SRR: variants seen among roughly 807,000 people sequenced by gnomAD.
SRR encodes serine racemase.
SRR carries 19 observed loss-of-function variants against 32.7 expected under a neutral mutation model. The ratio of observed to expected loss-of-function variants is 0.58; its 90% CI spans 0.40 to 0.85. The LOEUF (loss-of-function observed/expected upper bound fraction) is 0.85. SRR is among the 40% of genes least tolerant of loss of function. The pLI, the probability that SRR is intolerant of heterozygous loss-of-function variation, is 0.00. For synonymous variants in SRR, 142 were observed against 140.9 expected (o/e 1.01, Z -0.06); for missense variants, 373 against 404.7 (o/e 0.92, Z 0.67).
At chr17:2,306,546 G>T (rs1440240654) in intron 1 of SRR, among the ~76,000 whole-genome samples, 1 of 151,790 alleles carries the variant, frequency 6.6e-6, no homozygotes, top group African/African-American at 2.4e-5. Context: ...GCGAAACCCC[G>T]TCTCTACTAA....
intron 4 of SRR, 25 bp downstream of exon 4, chr17:2,318,954 A>G (rs1182038494): frequency 1.3e-6 from 2 of 1,501,906 alleles, no homozygotes; most frequent in Admixed American, 1.7e-5. Context: ...GCTTGGTACC[A>G]CCTTAACAGC....
At chr17:2,303,754 G>A (rs192220141), upstream of SRR, 11 of 1,474,236 alleles carry the variant, frequency 7.5e-6, no homozygotes, top group African/African-American at 4.4e-5. Flanking sequence ...TAGCGGCTCC[G>A]CCACCGCCGC....
chr17:2,317,570 G>A (rs981955129), intron 2 of SRR, among the ~76,000 whole-genome samples: 10 of 151,868 alleles, frequency 6.6e-5, no homozygotes, highest in African/African-American at 2.4e-4. Flanking sequence ...TATAATCCCA[G>A]CTACTTGGGA....
chr17:2,322,333 C>T (rs917877069), intron 6 of SRR, among the ~76,000 whole-genome samples: 1 of 152,178 alleles, frequency 6.6e-6, no homozygotes, highest in South Asian at 2.1e-4. Context: ...ACTATCCATA[C>T]CAAGGGGCTA....
At chr17:2,306,582 T>A (rs547699893) in intron 1 of SRR, among the ~76,000 whole-genome samples, 5 of 151,934 alleles carry the variant, frequency 3.3e-5, no homozygotes, top group Non-Finnish European at 5.9e-5. Context: ...CCGGGCGTGG[T>A]GGTGGGTGCC....
chr17:2,304,660 C>G (rs1390772188), intron 1 of SRR, among the ~76,000 whole-genome samples: 1 of 151,696 alleles, frequency 6.6e-6, no homozygotes, highest in Non-Finnish European at 1.5e-5. Context: ...AACGCTGAGA[C>G]GGGCGGATCG....
At chr17:2,319,065 T>A in intron 4 of SRR, 136 bp downstream of exon 4, 1 of 557,202 alleles carries the variant, frequency 1.8e-6, no homozygotes, top group Non-Finnish European at 3.2e-6. Flanking sequence ...ACCTTTTCTC[T>A]ATCTACACTC....
intron 3 of SRR, 30 bp from the exon 4 acceptor site, chr17:2,318,796 T>C (rs945107443): frequency 5.1e-6 from 8 of 1,556,328 alleles, no homozygotes; most frequent in African/African-American, 1.4e-5. Context: ...TAAATTCTCC[T>C]GACTTTTTCC....
At chr17:2,312,214 TAA>T (rs57198538) in intron 1 of SRR, among the ~76,000 whole-genome samples, 34 of 119,498 alleles carry the variant, frequency 2.8e-4, no homozygotes, top group Admixed American at 2.6e-4. Context: ...AGACCTTATC[TAA>T]AAAAAAAAAA....
chr17:2,314,691 TGTG>T (rs2075458081), intron 1 of SRR, among the ~76,000 whole-genome samples: 1 of 150,506 alleles, frequency 6.6e-6, no homozygotes, highest in Non-Finnish European at 1.5e-5. Context: ...ATGTGGAGGT[TGTG>T]GTGAGCCAGG....
chr17:2,320,251 CTT>C (rs35025479), intron 4 of SRR, among the ~76,000 whole-genome samples: 5 of 76,742 alleles, frequency 6.5e-5, no homozygotes, highest in East Asian at 9.2e-4. Flanking sequence ...CATCTCTCAT[CTT>C]TTTTTTTTTT....
intron 1 of SRR, among the ~76,000 whole-genome samples, chr17:2,308,424 TCC>T (rs2075409351): frequency 6.6e-6 from 1 of 152,200 alleles, no homozygotes; most frequent in Non-Finnish European, 1.5e-5. Context: ...AAAAGGGACA[TCC>T]TCTTGGATGT....
intron 2 of SRR, among the ~76,000 whole-genome samples, chr17:2,317,201 T>C (rs2075480967): frequency 2.5e-5 from 2 of 80,650 alleles, no homozygotes; most frequent in Admixed American, 1.7e-4. Flanking sequence ...AGACTCCATC[T>C]CGGGGGAAAA....
upstream of SRR, chr17:2,303,560 G>A (rs2075338759): frequency 3.7e-6 from 5 of 1,353,092 alleles, no homozygotes; most frequent in Non-Finnish European, 3.8e-6. Flanking sequence ...GGCCGAGCGG[G>A]GAGGAGGCAG....
intron 6 of SRR, 45 bp from the exon 7 acceptor site, chr17:2,323,091 A>G: frequency 6.3e-7 from 1 of 1,581,706 alleles, no homozygotes; most frequent in South Asian, 1.1e-5. Context: ...CATGCAGGCA[A>G]TGTTGTGGTT....
In SRR at chr17:2,324,971, G is replaced by A; in HGVS notation, c.*1098G>A. Reference sequence around the variant, plus strand: ...AATCTGAGGCTAAGATTGGTAAACTGTAAGCCCACACTTAACCTTGTCAAT... The same window carrying A: ...AATCTGAGGCTAAGATTGGTAAACTATAAGCCCACACTTAACCTTGTCAAT... On this transcript the variant is annotated 3_prime_UTR_variant, in exon 8 of 8. Coordinates refer to ENST00000344595, the MANE Select transcript of SRR (RefSeq NM_021947.3). The A allele has an allele frequency of 1.1e-6, 1 of 899,324 alleles. No individual in the cohort carries two copies. Among genetic ancestry groups the A allele is most frequent in the Non-Finnish European group, 1.6e-6 (1 of 612,452 alleles). The allele number at this position is 899,324 out of a possible 1,614,324, so 55.7% of individuals were successfully genotyped here.
At chr17:2,308,431 G>T (rs2075409493) in intron 1 of SRR, among the ~76,000 whole-genome samples, 1 of 152,164 alleles carries the variant, frequency 6.6e-6, no homozygotes, top group African/African-American at 2.4e-5. Context: ...ACATCCTCTT[G>T]GATGTTTCAT....
At chr17:2,303,774 G>T, upstream of SRR, 1 of 1,435,406 alleles carries the variant, frequency 7.0e-7, no homozygotes, top group Non-Finnish European at 9.2e-7. Flanking sequence ...CGCGCAGCCA[G>T]GAAACCACCA....
chr17:2,309,144 G>A (rs1405019545), intron 1 of SRR, among the ~76,000 whole-genome samples: 3 of 152,102 alleles, frequency 2.0e-5, no homozygotes, highest in Non-Finnish European at 4.4e-5. Flanking sequence ...ATAATAATTT[G>A]TAGAGGCAGG....
Sources: allele counts gnomAD v4.1 joint callset (sites outside exome capture counted in the v4.1 genomes callset), GRCh38; gene constraint gnomAD v4.1.1; transcripts MANE v1.5; gene names NCBI Gene and HGNC (gene_info 2026-07-23, HGNC 2026-07-21).